The following PRKD3 variants were observed in gnomAD, a reference collection of about 807,000 sequenced individuals.
PRKD3 encodes the protein serine/threonine-protein kinase D3.
Under a neutral mutation model 99.2 loss-of-function variants are expected in PRKD3, and 47 were observed. That is an observed-to-expected ratio of 0.47 (90% CI 0.38 to 0.60). The LOEUF (loss-of-function observed/expected upper bound fraction) is 0.60, where lower values mean the gene tolerates loss of function less well. Ranked by LOEUF, PRKD3 falls within the 20% of genes least tolerant of loss-of-function variation. The pLI is 0.00. For synonymous variants in PRKD3, 392 were observed against 355.4 expected, an observed-to-expected ratio of 1.10 and a Z score of -1.16; for missense variants, 1,019 against 1,088.4, an observed-to-expected ratio of 0.94 and a Z score of 0.90.
At chr2:37,255,578 A>G (rs1005410365) in intron 17 of PRKD3, among the ~76,000 whole-genome samples, 1 of 152,198 alleles carries the variant, frequency 6.6e-6, no homozygotes, top group African/African-American at 2.4e-5. Flanking sequence ...GAGAGAGGAA[A>G]ACAAACTGCA....
intron 8 of PRKD3, 51 bp from the exon 9 acceptor site, chr2:37,278,040 A>G (rs1208827897): frequency 6.7e-7 from 1 of 1,501,056 alleles, no homozygotes; most frequent in African/African-American, 1.4e-5. Flanking sequence ...AAAAAATCAT[A>G]TAAATACTGT....
chr2:37,293,124 C>T lies in PRKD3; in HGVS notation c.427+9G>A. On this transcript the variant is annotated intron_variant, in intron 3 of 18. Transcript: ENST00000234179. ...AAAAGGCAATCACTCTAAAAAGCCA[C>T]TTACTTACCTGAAAGAACCACTTCC... 1 of 1,554,174 alleles carries T rather than the reference C, an allele frequency of 6.4e-7. No homozygotes were observed. The highest frequency in any genetic ancestry group is 2.3e-5 in the East Asian group (1 of 43,918).
intron 6 of PRKD3, among the ~76,000 whole-genome samples, chr2:37,285,530 CA>C (rs956487402): frequency 1.3e-5 from 2 of 150,932 alleles, no homozygotes; most frequent in Non-Finnish European, 3.0e-5. Context: ...TACTTAAAAA[CA>C]AAAAAAACCC....
At chr2:37,256,192 C>T (rs570893543) in intron 17 of PRKD3, among the ~76,000 whole-genome samples, 1 of 152,140 alleles carries the variant, frequency 6.6e-6, no homozygotes, top group African/African-American at 2.4e-5. Flanking sequence ...GAAAACAGTT[C>T]AGAAGAGTAA....
chr2:37,255,984 T>C (rs1440196283), intron 17 of PRKD3, among the ~76,000 whole-genome samples: 2 of 152,166 alleles, frequency 1.3e-5, no homozygotes, highest in East Asian at 3.8e-4. Context: ...CACTTCAGCC[T>C]GGGTGACAGA....
rs1220352207 is a variant in PRKD3 at position 37,289,374 on chromosome 2, T to C, written c.699A>G (p.Val233=). ...SVPRPLQPEY[V]ALPSEESHVH... is the part of the protein sequence containing the mutation. ...TACGTACCTCTTCACTGGGAAGGGC[T>C]ACATATTCAGGCTGTAGGGGTCTTG... Residue 233 remains valine (V), a synonymous_variant, in exon 5 of 19, where the codon GTA becomes GTG. Coordinates refer to ENST00000234179, the MANE Select transcript of PRKD3 (RefSeq NM_005813.6). 6.2e-7 allele frequency: 1 copy of C among 1,614,036 alleles called. No individual in the cohort carries two copies. Among genetic ancestry groups the C allele is most frequent in the South Asian group, 1.1e-5 (1 of 91,050 alleles).
chr2:37,272,507 G>C, intron 11 of PRKD3, 75 bp from the exon 12 acceptor site: 1 of 1,497,632 alleles, frequency 6.7e-7, no homozygotes, highest in South Asian at 1.3e-5. Flanking sequence ...AATGCTCATG[G>C]TATATCAAAC....
In PRKD3 at chr2:37,316,226, A is replaced by G; in HGVS notation, c.288+11T>C. ...AATATTATTTACTACTGATAATAGC[A>G]CACACAGTACCTTTTGATAAACTAT... On this transcript the variant is annotated intron_variant, in intron 2 of 18. Coordinates refer to ENST00000234179, the MANE Select transcript of PRKD3 (RefSeq NM_005813.6). 1 of 1,595,312 alleles carries G rather than the reference A, an allele frequency of 6.3e-7. No homozygotes were observed. The highest frequency in any genetic ancestry group is 2.2e-5 in the East Asian group (1 of 44,774).
chr2:37,279,119 G>C (rs1669715822), intron 8 of PRKD3: 1 of 152,020 alleles, frequency 6.6e-6, no homozygotes, highest in African/African-American at 2.4e-5. Context: ...TTTTCTTTAA[G>C]TAACTCTTTG....
chr2:37,256,607 G>A, intron 17 of PRKD3, 55 bp downstream of exon 17: 2 of 1,446,190 alleles, frequency 1.4e-6, no homozygotes, highest in South Asian at 1.5e-5. Context: ...AAGATGTTTA[G>A]GCTTAAAACA....
At chr2:37,267,630 G>C in intron 13 of PRKD3, 94 bp from the exon 14 acceptor site, 1 of 942,482 alleles carries the variant, frequency 1.1e-6, no homozygotes, top group Non-Finnish European at 1.6e-6. Flanking sequence ...ATTTACTCTT[G>C]AATTTTCTTT....
At chr2:37,320,163 C>T (rs1227586776) in intron 1 of PRKD3, among the ~76,000 whole-genome samples, 1 of 152,084 alleles carries the variant, frequency 6.6e-6, no homozygotes, top group African/African-American at 2.4e-5. Context: ...AGAAAAGAAA[C>T]AAGAATTTTA....
At chr2:37,298,515 GTGCCTACT>G (rs941345141) in intron 2 of PRKD3, among the ~76,000 whole-genome samples, 1 of 151,678 alleles carries the variant, frequency 6.6e-6, no homozygotes, top group African/African-American at 2.4e-5. Flanking sequence ...CTGTAAAATA[GTGCCTACT>G]TGCCTACTTC....
In PRKD3 at chr2:37,286,336, G is replaced by A. The variant is rs1324118352; in HGVS notation, c.751C>T (p.Pro251Ser). 3 of 1,613,940 alleles carry A rather than the reference G, an allele frequency of 1.9e-6. No individual in the cohort carries two copies. Among genetic ancestry groups the A allele is most frequent in the Non-Finnish European group, 1.7e-6 (2 of 1,179,916 alleles). The change falls in exon 6 of 19, where the codon CCT becomes TCT. Residue 251 changes from proline (P) to serine (S), a missense_variant. This residue lies in a region of PRKD3 where 710 missense variants were observed against 692.7 expected (regional missense o/e 1.02). Transcript: ENST00000234179. ...CAGATTGGGCGACCACTCCAAGAAG[G>A]AATTCTCTTACTTGGTTCCTGGTGG... ...HVHQEPSKRI[P>S]SWSGRPIWME...
At chr2:37,285,113 ACTG>A (rs1450202650) in intron 6 of PRKD3, among the ~76,000 whole-genome samples, 1 of 149,492 alleles carries the variant, frequency 6.7e-6, no homozygotes, top group East Asian at 2.0e-4. Context: ...AATACCAAGA[ACTG>A]CTAATTACAT....
chr2:37,289,349 T>C lies in PRKD3; in HGVS notation c.717+7A>G, dbSNP rs990484676. ...TACTAAAATGTCTATTACCTTAGAA[T>C]ACGTACCTCTTCACTGGGAAGGGCT... On this transcript the variant is annotated splice_region_variant and intron_variant, in intron 5 of 18. Transcript: ENST00000234179. The C allele has an allele frequency of 6.2e-7, 1 of 1,613,748 alleles. No individual in the cohort carries two copies. The highest frequency in any genetic ancestry group is 2.2e-5 in the East Asian group (1 of 44,852).
chr2:37,309,058 T>G (rs1671299407), intron 2 of PRKD3, among the ~76,000 whole-genome samples: 1 of 152,168 alleles, frequency 6.6e-6, no homozygotes, highest in Admixed American at 6.5e-5. Context: ...AAATCTTTAA[T>G]GGAAAGAAAT....
intron 5 of PRKD3, among the ~76,000 whole-genome samples, chr2:37,289,103 T>C (rs1444191881): frequency 6.7e-6 from 1 of 150,314 alleles, no homozygotes; most frequent in East Asian, 2.0e-4. Flanking sequence ...GATTTAAGTA[T>C]GGAGACCAGG....
chr2:37,313,759 T>C (rs1219499026), intron 2 of PRKD3, among the ~76,000 whole-genome samples: 2 of 152,224 alleles, frequency 1.3e-5, no homozygotes, highest in Non-Finnish European at 2.9e-5. Flanking sequence ...TTTTCGACTT[T>C]ACAATAGTGC....
Sources: gnomAD v4.1 joint callset for allele counts (sites outside exome capture counted in the v4.1 genomes callset) on GRCh38, gnomAD v4.1.1 for gene constraint, gnomAD v4.1.1 regional missense constraint, MANE v1.5 for transcripts, NCBI Gene and HGNC (gene_info 2026-07-23, HGNC 2026-07-21) for gene names.